KIF1B: variants seen among roughly 807,000 people sequenced by gnomAD.
KIF1B encodes the protein kinesin-like protein KIF1B.
In KIF1B, 76 loss-of-function variants were observed where a neutral mutation model predicts 241.9. The ratio of observed to expected loss-of-function variants is 0.31; its 90% CI spans 0.26 to 0.38. The LOEUF (loss-of-function observed/expected upper bound fraction) is 0.38, where lower values mean the gene tolerates loss of function less well. KIF1B is among the 10% of genes least tolerant of loss of function. KIF1B has a pLI of 1.00. For synonymous variants in KIF1B, 750 were observed against 796.7 expected, an observed-to-expected ratio of 0.94 and a Z score of 0.99; for missense variants, 1,622 against 2,271.4, an observed-to-expected ratio of 0.71 and a Z score of 5.81.
chr1:10,250,422 T>C lies in KIF1B; in HGVS notation c.107-5825T>C, dbSNP rs534570065. Among the ~76,000 whole-genome samples the C allele has an allele frequency of 1.1e-4, 16 of 151,576 alleles. No homozygotes were observed. The East Asian group carries it at 2.9e-3, about 28-fold the overall frequency. ...GGTGCAATCTCAGGTCATTGCAACC[T>C]CTGCCTTCTGGTTTCAAGCAGATCT... On this transcript the variant is annotated intron_variant, in intron 2 of 48. Transcript: ENST00000676179.
In KIF1B at chr1:10,286,696, A is replaced by G. The variant is rs114991399; in HGVS notation, c.1434+4163A>G. Among the ~76,000 whole-genome samples, 1,315 of 152,364 alleles carry G rather than the reference A, an allele frequency of 8.6e-3. 16 individuals carry two copies. Among genetic ancestry groups the G allele is most frequent in the African/African-American group, 0.03 (1,236 of 41,574 alleles). On this transcript the variant is annotated intron_variant, in intron 15 of 48. Transcript: ENST00000676179. Reference sequence around the variant, plus strand: ...CAAGAAGAGATTAAATTGTTTAGCTATATGAACATAATTTATTAACCAGTG... The same window carrying G: ...CAAGAAGAGATTAAATTGTTTAGCTGTATGAACATAATTTATTAACCAGTG...
At chr1:10,299,988 G>C (rs1265262080) in intron 22 of KIF1B, among the ~76,000 whole-genome samples, 3 of 152,212 alleles carry the variant, frequency 2.0e-5, no homozygotes, top group Admixed American at 6.5e-5. Flanking sequence ...TGTAATCCCA[G>C]CACTTTGGGA....
chr1:10,237,716 A>C (rs779721139), intron 2 of KIF1B, among the ~76,000 whole-genome samples: 3 of 152,140 alleles, frequency 2.0e-5, no homozygotes, highest in Non-Finnish European at 4.4e-5. Context: ...CACTATTGAA[A>C]ATTTGGGGGG....
chr1:10,363,442 A>T, intron 41 of KIF1B, 98 bp downstream of exon 41: 1 of 1,080,026 alleles, frequency 9.3e-7, no homozygotes, highest in Non-Finnish European at 1.4e-6. Flanking sequence ...CTGTAATCCC[A>T]GCGCTTTGGG....
intron 2 of KIF1B, among the ~76,000 whole-genome samples, chr1:10,252,015 C>T (rs1647479235): frequency 1.3e-5 from 2 of 151,858 alleles, no homozygotes; most frequent in Admixed American, 1.3e-4. Context: ...AAACTACAGT[C>T]CTCCTAGTTC....
chr1:10,275,210 A>G (rs1184946351), intron 10 of KIF1B, among the ~76,000 whole-genome samples: 1 of 152,234 alleles, frequency 6.6e-6, no homozygotes, highest in Non-Finnish European at 1.5e-5. Flanking sequence ...ACTGTTGTGT[A>G]TATTACACAG....
intron 7 of KIF1B, among the ~76,000 whole-genome samples, chr1:10,271,227 G>C (rs1443243207): frequency 6.7e-6 from 1 of 150,240 alleles, no homozygotes; most frequent in African/African-American, 2.5e-5. Flanking sequence ...GTTATATGTT[G>C]CCAGGCTGGA....
At chr1:10,249,512 C>T (rs1283371704) in intron 2 of KIF1B, among the ~76,000 whole-genome samples, 2 of 152,142 alleles carry the variant, frequency 1.3e-5, no homozygotes, top group African/African-American at 4.8e-5. Context: ...AGACATGGTC[C>T]AAGCACTTTG....
At chr1:10,238,942 C>T (rs183001107) in intron 2 of KIF1B, among the ~76,000 whole-genome samples, 84 of 151,964 alleles carry the variant, frequency 5.5e-4, no homozygotes, top group Admixed American at 3.9e-3. Context: ...TTTTTTCTTT[C>T]AGTTTTTTTG....
intron 5 of KIF1B, among the ~76,000 whole-genome samples, chr1:10,266,718 C>T (rs1046891276): frequency 6.6e-6 from 1 of 152,142 alleles, no homozygotes; most frequent in Non-Finnish European, 1.5e-5. Context: ...CAGTTACTGA[C>T]AACAGTATAC....
chr1:10,222,640 A>G (rs548631587), intron 1 of KIF1B, among the ~76,000 whole-genome samples: 2 of 152,214 alleles, frequency 1.3e-5, no homozygotes, highest in African/African-American at 4.8e-5. Context: ...TTTGAGGGCA[A>G]GTGGGAATTC....
At chr1:10,315,952 A>G (rs1457196650) in intron 22 of KIF1B, among the ~76,000 whole-genome samples, 1 of 148,354 alleles carries the variant, frequency 6.7e-6, no homozygotes, top group Non-Finnish European at 1.5e-5. Context: ...GCTACTTGGG[A>G]GGCTGAGGCA....
chr1:10,340,798 A>G (rs1052665980), intron 32 of KIF1B, among the ~76,000 whole-genome samples: 7 of 152,218 alleles, frequency 4.6e-5, no homozygotes, highest in Non-Finnish European at 8.8e-5. Flanking sequence ...AAAAGTAATA[A>G]TAAAAATAAA....
intron 43 of KIF1B, among the ~76,000 whole-genome samples, chr1:10,366,259 A>T (rs1485334302): frequency 1.3e-5 from 2 of 152,098 alleles, no homozygotes; most frequent in South Asian, 2.1e-4. Flanking sequence ...ATAAAAAATT[A>T]AAAAATTAAA....
chr1:10,293,195 A>G (rs1406704161), intron 17 of KIF1B, among the ~76,000 whole-genome samples: 2 of 151,352 alleles, frequency 1.3e-5, no homozygotes, highest in African/African-American at 2.4e-5. Flanking sequence ...AGTATTTTAT[A>G]TGTTTATATT....
At chr1:10,282,993 G>GTCAGGAGA (rs1164245835) in intron 15 of KIF1B, among the ~76,000 whole-genome samples, 2 of 152,026 alleles carry the variant, frequency 1.3e-5, no homozygotes, top group African/African-American at 2.4e-5. Context: ...GGATCACGAG[G>GTCAGGAGA]TCAGGAGATC....
At chr1:10,217,393 G>A (rs1395530241) in intron 1 of KIF1B, among the ~76,000 whole-genome samples, 1 of 147,834 alleles carries the variant, frequency 6.8e-6, no homozygotes, top group Non-Finnish European at 1.5e-5. Flanking sequence ...AGGCTGGGGT[G>A]CAGAGGCACA....
At chr1:10,234,425 C>G (rs894864610) in intron 2 of KIF1B, among the ~76,000 whole-genome samples, 3 of 152,074 alleles carry the variant, frequency 2.0e-5, no homozygotes, top group African/African-American at 2.4e-5. Flanking sequence ...CCAGCCTCAT[C>G]GCAAACTCCT....
intron 16 of KIF1B, among the ~76,000 whole-genome samples, chr1:10,291,733 T>C (rs1650008493): frequency 6.6e-6 from 1 of 151,490 alleles, no homozygotes; most frequent in Admixed American, 6.6e-5. Context: ...AGGAATAGCC[T>C]CTTCTTTTCT....
Sources: gnomAD v4.1 joint callset for allele counts (sites outside exome capture counted in the v4.1 genomes callset) on GRCh38, gnomAD v4.1.1 for gene constraint, MANE v1.5 for transcripts, NCBI Gene and HGNC (gene_info 2026-07-23, HGNC 2026-07-21) for gene names.